The following LPGAT1 variants were observed in gnomAD, a reference collection of about 807,000 sequenced individuals.
The protein encoded by LPGAT1 is acyl-CoA:lysophosphatidylglycerol acyltransferase 1.
Under a neutral mutation model 47.5 loss-of-function variants are expected in LPGAT1, and 11 were observed. That is an observed-to-expected ratio of 0.23 (90% CI 0.15 to 0.38). The LOEUF (loss-of-function observed/expected upper bound fraction) is 0.38, where lower values mean the gene tolerates loss of function less well. Ranked by LOEUF, LPGAT1 falls within the 10% of genes least tolerant of loss-of-function variation. LPGAT1 has a pLI of 1.00. For missense variants in LPGAT1, 293 were observed against 439.0 expected, an observed-to-expected ratio of 0.67 and a Z score of 2.97; for synonymous variants, 138 against 144.2, an observed-to-expected ratio of 0.96 and a Z score of 0.31.
intron 6 of LPGAT1, among the ~76,000 whole-genome samples, chr1:211,755,470 C>T (rs1210279034): frequency 1.3e-5 from 2 of 150,842 alleles, no homozygotes; most frequent in Admixed American, 6.6e-5. Context: ...TATAATGATA[C>T]CTCTTTCTCT....
intron 2 of LPGAT1, among the ~76,000 whole-genome samples, chr1:211,815,126 A>G (rs919805567): frequency 6.6e-6 from 1 of 152,166 alleles, no homozygotes; most frequent in Non-Finnish European, 1.5e-5. Flanking sequence ...TTTAAACACC[A>G]TGGATAATTT....
At chr1:211,789,807 G>C (rs1659032480) in intron 3 of LPGAT1, among the ~76,000 whole-genome samples, 1 of 149,890 alleles carries the variant, frequency 6.7e-6, no homozygotes. Flanking sequence ...GGAGGCGGAG[G>C]TTGCAGTGAG....
At chr1:211,829,938 G>C in intron 1 of LPGAT1, 1 of 985,306 alleles carries the variant, frequency 1.0e-6, no homozygotes, top group Non-Finnish European at 1.2e-6. Context: ...AGAAAGTAGG[G>C]GGTTATAATG....
At chr1:211,784,695 G>C (rs1176199201) in intron 4 of LPGAT1, among the ~76,000 whole-genome samples, 2 of 151,710 alleles carry the variant, frequency 1.3e-5, no homozygotes, top group African/African-American at 4.8e-5. Context: ...CTGTATCTTA[G>C]TTGAGAGGGA....
intron 2 of LPGAT1, among the ~76,000 whole-genome samples, chr1:211,819,707 G>A (rs757490388): frequency 7.9e-5 from 12 of 152,100 alleles, no homozygotes; most frequent in Non-Finnish European, 1.3e-4. Context: ...AAGAGTTGCC[G>A]CGCACGGTGG....
intron 5 of LPGAT1, among the ~76,000 whole-genome samples, chr1:211,779,915 C>T (rs1364800116): frequency 4.4e-4 from 67 of 150,686 alleles, no homozygotes; most frequent in Non-Finnish European, 2.9e-4. Flanking sequence ...CAGTGGCTCA[C>T]GCCTGTAATC....
At position 211,795,016 on chromosome 1, in the gene LPGAT1, T is replaced by C. The variant is rs370477038; in HGVS notation, c.239-1826A>G. Reference sequence around the variant, plus strand: ...AGAAAGAGAAGCTAACTCAAATTCATAGAAATGGTGGTTGCCAGGGGCTGG... The same window carrying C: ...AGAAAGAGAAGCTAACTCAAATTCACAGAAATGGTGGTTGCCAGGGGCTGG... On this transcript the variant is annotated intron_variant, in intron 2 of 7. Transcript: ENST00000366997. Among the ~76,000 whole-genome samples the C allele has an allele frequency of 1.7e-4, 26 of 152,206 alleles. No individual in the cohort carries two copies. The South Asian group carries it at 5.2e-3, about 30-fold the overall frequency.
intron 2 of LPGAT1, 27 bp downstream of exon 2, chr1:211,829,032 A>T (rs1421329654): frequency 1.2e-6 from 2 of 1,604,474 alleles, no homozygotes; most frequent in African/African-American, 1.3e-5. Flanking sequence ...TTTCTTATGC[A>T]TTAAAGAAAA....
At chr1:211,796,063 T>C (rs766970585) in intron 2 of LPGAT1, among the ~76,000 whole-genome samples, 8 of 151,986 alleles carry the variant, frequency 5.3e-5, no homozygotes, top group South Asian at 2.1e-4. Flanking sequence ...AAATACTAGA[T>C]ACCTAGGCCC....
chr1:211,759,775 C>T (rs1216692733), intron 6 of LPGAT1, among the ~76,000 whole-genome samples: 1 of 152,128 alleles, frequency 6.6e-6, no homozygotes, highest in African/African-American at 2.4e-5. Context: ...ACACAGTAAA[C>T]ATTAAATTCC....
At chr1:211,800,422 T>C (rs1029331704) in intron 2 of LPGAT1, among the ~76,000 whole-genome samples, 2 of 152,166 alleles carry the variant, frequency 1.3e-5, no homozygotes, top group Non-Finnish European at 2.9e-5. Context: ...CGCCTATCTA[T>C]GTAAAACAAA....
intron 2 of LPGAT1, among the ~76,000 whole-genome samples, chr1:211,804,657 T>C (rs1558277328): frequency 6.6e-6 from 1 of 152,194 alleles, no homozygotes; most frequent in Non-Finnish European, 1.5e-5. Context: ...TCTCCCACAA[T>C]ATGATTTTTA....
At position 211,747,113 on chromosome 1, in the gene LPGAT1, G is replaced by A. The variant is rs1656976286; in HGVS notation, c.*2786C>T. Reference sequence around the variant, plus strand: ...ACGTCCTTTCATCTCCCTTCACAAAGTACAAATTAGGAACTTTTCTTCAGT... The same window carrying A: ...ACGTCCTTTCATCTCCCTTCACAAAATACAAATTAGGAACTTTTCTTCAGT... On this transcript the variant is annotated 3_prime_UTR_variant, in exon 8 of 8. Coordinates refer to ENST00000366997, the MANE Select transcript of LPGAT1 (RefSeq NM_014873.3). 6.6e-6 allele frequency: 1 copy of A among 152,100 alleles called. No individual in the cohort carries two copies. Among genetic ancestry groups the A allele is most frequent in the Non-Finnish European group, 1.5e-5 (1 of 68,032 alleles). The allele number at this position is 152,100 out of a possible 1,614,324, so 9.4% of individuals were successfully genotyped here. A position where few individuals can be genotyped will look rare whatever the true frequency, so the allele number is the denominator to read the frequency against.
intron 2 of LPGAT1, among the ~76,000 whole-genome samples, chr1:211,810,845 G>A (rs185819532): frequency 1.4e-4 from 21 of 152,188 alleles, no homozygotes; most frequent in Non-Finnish European, 2.8e-4. Flanking sequence ...GAGGAAATAA[G>A]ATTATATCTA....
intron 2 of LPGAT1, among the ~76,000 whole-genome samples, chr1:211,816,397 C>T (rs927600394): frequency 6.6e-6 from 1 of 152,166 alleles, no homozygotes; most frequent in Non-Finnish European, 1.5e-5. Flanking sequence ...CAAATTTTTG[C>T]ATTAGAATAG....
In LPGAT1 at chr1:211,830,257, A is replaced by T; in HGVS notation, c.-28+316T>A. ...CCCCGCCGAGGGGTCGCGGTCATGGACGCGGTGGCGGCCCAAGCGGCCCGA... is the reference window on the plus strand; with the variant it reads ...CCCCGCCGAGGGGTCGCGGTCATGGTCGCGGTGGCGGCCCAAGCGGCCCGA... On this transcript the variant is annotated intron_variant, in intron 1 of 7. Coordinates refer to ENST00000366997, the MANE Select transcript of LPGAT1 (RefSeq NM_014873.3). This position sits in a 1 kb window ranked among gnomAD's most constrained non-coding sequence, Gnocchi z 5.9. The T allele has an allele frequency of 1.0e-6, 1 of 997,340 alleles. No homozygotes were observed. Among genetic ancestry groups the T allele is most frequent in the African/African-American group, 1.7e-5 (1 of 57,436 alleles). The allele number at this position is 997,340 out of a possible 1,614,324, so 61.8% of individuals were successfully genotyped here.
intron 2 of LPGAT1, among the ~76,000 whole-genome samples, chr1:211,795,641 A>ACC (rs1659322579): frequency 6.6e-6 from 1 of 152,148 alleles, no homozygotes; most frequent in African/African-American, 2.4e-5. Flanking sequence ...TGCTGAGACT[A>ACC]CAGGCCTGAG....
At chr1:211,783,902 A>G (rs570178299) in intron 4 of LPGAT1, among the ~76,000 whole-genome samples, 39 of 152,322 alleles carry the variant, frequency 2.6e-4, no homozygotes, top group African/African-American at 8.7e-4. Flanking sequence ...AAATTCAACT[A>G]GTAATATGTG....
intron 6 of LPGAT1, among the ~76,000 whole-genome samples, chr1:211,754,502 G>A (rs1046932459): frequency 1.3e-5 from 2 of 151,972 alleles, no homozygotes; most frequent in Non-Finnish European, 2.9e-5. Context: ...TTATTTTATG[G>A]GGGTTTTAGG....
Sources: gnomAD v4.1 joint callset for allele counts (sites outside exome capture counted in the v4.1 genomes callset) on GRCh38, gnomAD v4.1.1 for gene constraint, Gnocchi (gnomAD v3.1) non-coding constraint, MANE v1.5 for transcripts, NCBI Gene and HGNC (gene_info 2026-07-23, HGNC 2026-07-21) for gene names.